Variants in KIAA1217 observed in about 807,000 individuals in gnomAD.
KIAA1217 encodes sickle tail protein homolog.
A neutral mutation model predicts 163.9 loss-of-function variants in KIAA1217; 88 were observed. The ratio of observed to expected loss-of-function variants is 0.54; its 90% CI spans 0.45 to 0.64. KIAA1217 has a LOEUF of 0.64. Ranked by LOEUF, KIAA1217 falls within the 30% of genes least tolerant of loss-of-function variation. KIAA1217 has a pLI of 0.00. For missense variants in KIAA1217, 2,372 were observed against 2,475.0 expected (o/e 0.96, Z 0.88); for synonymous variants, 903 against 923.1 (o/e 0.98, Z 0.39).
chr10:23,719,216 T>G (rs140029935), intron 1 of KIAA1217, among the ~76,000 whole-genome samples: 2 of 152,186 alleles, frequency 1.3e-5, no homozygotes, highest in African/African-American at 4.8e-5. Context: ...TGGAGTATTG[T>G]TCAGCCATAG....
chr10:24,198,957 G>A (rs765585184), intron 2 of KIAA1217, among the ~76,000 whole-genome samples: 18 of 152,198 alleles, frequency 1.2e-4, no homozygotes, highest in African/African-American at 4.3e-4. Flanking sequence ...GGTGGCTCAC[G>A]CCTGCAATCC....
At chr10:23,808,675 A>T (rs529777372) in intron 1 of KIAA1217, among the ~76,000 whole-genome samples, 1 of 152,188 alleles carries the variant, frequency 6.6e-6, no homozygotes, top group Admixed American at 6.6e-5. Flanking sequence ...AGAGAAGAAA[A>T]AATGGAGGCT....
At chr10:24,438,306 G>T in intron 4 of KIAA1217, 80 bp from the exon 5 acceptor site, 1 of 927,380 alleles carries the variant, frequency 1.1e-6, no homozygotes, top group South Asian at 1.4e-5. Flanking sequence ...TTTTTTACCT[G>T]ATCTTTAAGG....
chr10:24,328,247 A>G (rs1462018242), intron 2 of KIAA1217, among the ~76,000 whole-genome samples: 1 of 152,188 alleles, frequency 6.6e-6, no homozygotes, highest in African/African-American at 2.4e-5. Flanking sequence ...GTAGCAGGGA[A>G]GAAATGTAAC....
At chr10:24,154,116 C>T (rs189738418) in intron 2 of KIAA1217, among the ~76,000 whole-genome samples, 2,155 of 151,674 alleles carry the variant, frequency 0.014, 48 homozygotes, top group African/African-American at 0.05. Context: ...CGCCACTACG[C>T]CCGGCTAATT....
intron 1 of KIAA1217, among the ~76,000 whole-genome samples, chr10:23,949,234 G>A (rs1844213408): frequency 1.3e-5 from 2 of 152,070 alleles, no homozygotes; most frequent in Non-Finnish European, 2.9e-5. Flanking sequence ...AAAAATACCT[G>A]GGAAATTCTA....
At chr10:24,226,451 C>A (rs1361654738) in intron 2 of KIAA1217, among the ~76,000 whole-genome samples, 1 of 151,394 alleles carries the variant, frequency 6.6e-6, no homozygotes. Context: ...ACGGTGAAAC[C>A]CCGTCTCTAC....
chr10:24,210,940 AT>A lies in KIAA1217; in HGVS notation c.70+1690del, dbSNP rs56978789. 7.1e-3 allele frequency among the ~76,000 whole-genome samples: 1,044 copies of A among 147,262 alleles called. 7 individuals are homozygous for A. Among genetic ancestry groups the A allele is most frequent in the African/African-American group, 0.017 (688 of 40,302 alleles). On this transcript the variant is annotated intron_variant, in intron 1 of 20. Coordinates refer to ENST00000376454, the MANE Select transcript of KIAA1217 (RefSeq NM_019590.5). ...AATTTGAATTTCAGGTAAACGGTGA[AT>A]TTTTTTTTTTTTAGTATAAGTATAT... is the stretch of plus-strand genomic sequence containing the variant.
chr10:24,533,700 A>G (rs956669309), intron 16 of KIAA1217, among the ~76,000 whole-genome samples: 1 of 152,236 alleles, frequency 6.6e-6, no homozygotes, highest in Non-Finnish European at 1.5e-5. Context: ...GTCCATAACC[A>G]GGTCCCTGTT....
At chr10:24,481,885 C>T (rs2064758651) in intron 6 of KIAA1217, 1 of 152,078 alleles carries the variant, frequency 6.6e-6, no homozygotes, top group South Asian at 2.1e-4. Context: ...TGGGAAAGAC[C>T]AACTAGTCTC....
chr10:24,173,250 C>T (rs572832614), intron 2 of KIAA1217, among the ~76,000 whole-genome samples: 6 of 152,194 alleles, frequency 3.9e-5, no homozygotes, highest in African/African-American at 1.4e-4. Context: ...GATCTGTCAC[C>T]GTCCCCTATC....
chr10:23,774,788 C>A (rs1474664093), intron 1 of KIAA1217, among the ~76,000 whole-genome samples: 1 of 152,102 alleles, frequency 6.6e-6, no homozygotes, highest in South Asian at 2.1e-4. Flanking sequence ...TCTGAGGGGT[C>A]CAAGAAGTCT....
At position 24,127,062 on chromosome 10, in the gene KIAA1217, A is replaced by G. The variant is rs561126601; in HGVS notation, c.-170-92564A>G. ...AAGTGGTTATAGTAGGAAAGTTATC[A>G]GGTTCTTTAAGAAAAAGAAAAAGCA... On this transcript the variant is annotated intron_variant, in intron 2 of 18. Transcript: ENST00000376462. Among the ~76,000 whole-genome samples, 8 of 152,300 alleles carry G rather than the reference A, an allele frequency of 5.3e-5. 1 individual carries two copies. In the South Asian group the frequency reaches 1.7e-3, roughly 32 times the overall value.
At chr10:24,490,070 C>T (rs2065922173) in intron 6 of KIAA1217, among the ~76,000 whole-genome samples, 1 of 152,094 alleles carries the variant, frequency 6.6e-6, no homozygotes, top group Non-Finnish European at 1.5e-5. Context: ...CTGGAAACAG[C>T]ACTTCCCTGA....
At chr10:23,847,818 A>T (rs1839116761) in intron 1 of KIAA1217, among the ~76,000 whole-genome samples, 1 of 151,942 alleles carries the variant, frequency 6.6e-6, no homozygotes, top group Non-Finnish European at 1.5e-5. Context: ...TAGGGTGTCG[A>T]TTTTAGATCT....
intron 3 of KIAA1217, 29 bp downstream of exon 3, chr10:24,381,096 C>T: frequency 6.8e-7 from 1 of 1,472,046 alleles, no homozygotes. Context: ...TTTCTGATGC[C>T]CCTTTCTTAC....
intron 1 of KIAA1217, among the ~76,000 whole-genome samples, chr10:23,971,020 G>A (rs188016472): frequency 5.8e-4 from 88 of 152,294 alleles, no homozygotes; most frequent in African/African-American, 1.7e-3. Flanking sequence ...AGGGCCAAGC[G>A]GGCGCTTGAG....
intron 2 of KIAA1217, among the ~76,000 whole-genome samples, chr10:24,330,393 G>T (rs2045520179): frequency 6.6e-6 from 1 of 151,934 alleles, no homozygotes; most frequent in African/African-American, 2.4e-5. Context: ...CCATTTAAGA[G>T]GACGTAAAAG....
At chr10:24,388,027 CTT>C (rs2054268172) in intron 3 of KIAA1217, among the ~76,000 whole-genome samples, 1 of 152,190 alleles carries the variant, frequency 6.6e-6, no homozygotes, top group African/African-American at 2.4e-5. Context: ...CTACCAATGA[CTT>C]TCTTCACAGA....
Sources: allele counts gnomAD v4.1 joint callset (sites outside exome capture counted in the v4.1 genomes callset), GRCh38; gene constraint gnomAD v4.1.1; transcripts MANE v1.5; gene names NCBI Gene and HGNC (gene_info 2026-07-23, HGNC 2026-07-21).